LARGE1: variants seen among roughly 807,000 people sequenced by gnomAD.
LARGE1 encodes LARGE xylosyl- and glucuronyltransferase 1.
LARGE1 carries 43 observed loss-of-function variants against 87.6 expected under a neutral mutation model. The ratio of observed to expected loss-of-function variants is 0.49; its 90% CI spans 0.38 to 0.63. The LOEUF is 0.63. Ranked by LOEUF, LARGE1 falls within the 30% of genes least tolerant of loss-of-function variation. The pLI, the probability that LARGE1 is intolerant of heterozygous loss-of-function variation, is 0.00. For synonymous variants in LARGE1, 434 were observed against 394.6 expected (o/e 1.10, Z -1.18); for missense variants, 802 against 1,000.2 (o/e 0.80, Z 2.67).
intron 5 of LARGE1, among the ~76,000 whole-genome samples, chr22:33,565,621 T>C (rs2077999828): frequency 6.6e-6 from 1 of 151,980 alleles, no homozygotes; most frequent in Admixed American, 6.5e-5. Flanking sequence ...GACACACACA[T>C]AGGACAGAAG....
intron 13 of LARGE1, among the ~76,000 whole-genome samples, chr22:33,279,891 C>T (rs1471535979): frequency 6.6e-6 from 1 of 152,172 alleles, no homozygotes; most frequent in African/African-American, 2.4e-5. Flanking sequence ...CACAATGGAG[C>T]CATCAGGCCA....
At chr22:33,766,935 T>TATATATAC (rs1569436044) in intron 1 of LARGE1, among the ~76,000 whole-genome samples, 27 of 24,846 alleles carry the variant, frequency 1.1e-3, no homozygotes, top group Admixed American at 2.4e-3. Flanking sequence ...TATATATATA[T>TATATATAC]ATATATATAT....
chr22:33,128,244 TTGC>T, the LARGE1 span, among the ~76,000 whole-genome samples: 1 of 152,212 alleles, frequency 6.6e-6, no homozygotes, highest in South Asian at 2.1e-4. Context: ...AGCAATCCCA[TTGC>T]TGGGTATATA....
At chr22:33,342,874 C>T (rs1025754474) in intron 9 of LARGE1, among the ~76,000 whole-genome samples, 1 of 152,184 alleles carries the variant, frequency 6.6e-6, no homozygotes, top group Admixed American at 6.5e-5. Context: ...GATCGGCAAG[C>T]CCATCCAAAA....
chr22:33,607,405 G>A (rs778442787), intron 4 of LARGE1, among the ~76,000 whole-genome samples: 31 of 134,296 alleles, frequency 2.3e-4, no homozygotes, highest in Non-Finnish European at 4.1e-4. Context: ...AGGTTGCTGT[G>A]AGCCAAGATC....
intron 7 of LARGE1, among the ~76,000 whole-genome samples, chr22:33,399,170 T>C (rs1047200354): frequency 3.3e-5 from 5 of 151,798 alleles, no homozygotes; most frequent in Admixed American, 1.3e-4. Flanking sequence ...CCATGTGTGA[T>C]GTTCTGCTCC....
chr22:33,168,975 C>T (rs1372831859), intron 11 of LARGE1, among the ~76,000 whole-genome samples: 1 of 152,176 alleles, frequency 6.6e-6, no homozygotes, highest in Non-Finnish European at 1.5e-5. Context: ...TAAACCAGCA[C>T]TTGGCCTACA....
At chr22:33,310,897 C>CT (rs1935504890) in intron 11 of LARGE1, among the ~76,000 whole-genome samples, 2 of 151,802 alleles carry the variant, frequency 1.3e-5, no homozygotes, top group East Asian at 3.9e-4. Context: ...TACGCTTGGG[C>CT]TGTCCATGCT....
intron 5 of LARGE1, among the ~76,000 whole-genome samples, chr22:33,580,311 G>A (rs528469314): frequency 5.3e-5 from 8 of 151,560 alleles, no homozygotes; most frequent in African/African-American, 1.9e-4. Flanking sequence ...CGGAGGTTGC[G>A]GTGAGTCGAG....
intron 1 of LARGE1, among the ~76,000 whole-genome samples, chr22:33,882,035 GT>G (rs56757133): frequency 3.5e-5 from 5 of 144,228 alleles, no homozygotes; most frequent in African/African-American, 1.0e-4. Flanking sequence ...TTTTGTTTTT[GT>G]TTTTTTTTGT....
intron 2 of LARGE1, among the ~76,000 whole-genome samples, chr22:33,726,918 A>G (rs953958014): frequency 9.2e-5 from 14 of 152,180 alleles, no homozygotes; most frequent in African/African-American, 2.7e-4. Context: ...CTTAATAGAA[A>G]TCATTACCTA....
chr22:33,171,346 G>A (rs1922561152), intron 11 of LARGE1, among the ~76,000 whole-genome samples: 1 of 152,206 alleles, frequency 6.6e-6, no homozygotes, highest in South Asian at 2.1e-4. Flanking sequence ...TTTCTGTGGA[G>A]AAATTCAAGC....
At chr22:33,706,406 G>C (rs769504383) in intron 2 of LARGE1, among the ~76,000 whole-genome samples, 22 of 152,176 alleles carry the variant, frequency 1.4e-4, no homozygotes, top group Non-Finnish European at 3.1e-4. Flanking sequence ...GAAACAGGAA[G>C]GGGGAGCTCC....
chr22:33,534,025 C>G (rs943580276), intron 6 of LARGE1, among the ~76,000 whole-genome samples: 1 of 151,640 alleles, frequency 6.6e-6, no homozygotes, highest in African/African-American at 2.4e-5. Flanking sequence ...ACTGACTCTT[C>G]ATAATGCGGA....
chr22:33,569,316 C>T (rs558046623), intron 5 of LARGE1, among the ~76,000 whole-genome samples: 26 of 152,122 alleles, frequency 1.7e-4, no homozygotes, highest in Admixed American at 9.8e-4. Context: ...TTAGATTGCC[C>T]TGACTCTCCG....
At chr22:33,588,665 T>C (rs1410005251) in intron 5 of LARGE1, among the ~76,000 whole-genome samples, 1 of 152,200 alleles carries the variant, frequency 6.6e-6, no homozygotes, top group Non-Finnish European at 1.5e-5. Flanking sequence ...GAATGGCTCT[T>C]GACCTTCTGC....
At chr22:33,424,639 A>G (rs909872418) in intron 7 of LARGE1, among the ~76,000 whole-genome samples, 2 of 152,002 alleles carry the variant, frequency 1.3e-5, no homozygotes. Context: ...AGCCTGAGCA[A>G]CAAAGTGAGA....
chr22:33,518,662 C>G (rs928596033), intron 6 of LARGE1, among the ~76,000 whole-genome samples: 1 of 152,132 alleles, frequency 6.6e-6, no homozygotes. Flanking sequence ...GGGCCCTTCT[C>G]CCCTAGTGTT....
At chr22:33,758,109 G>A (rs981940839) in intron 2 of LARGE1, among the ~76,000 whole-genome samples, 2 of 152,162 alleles carry the variant, frequency 1.3e-5, no homozygotes, top group Admixed American at 6.5e-5. Context: ...TCATTATGAG[G>A]AGCTTGACAT....
Sources: gnomAD v4.1 joint callset for allele counts (sites outside exome capture counted in the v4.1 genomes callset) on GRCh38, gnomAD v4.1.1 for gene constraint, MANE v1.5 for transcripts, NCBI Gene and HGNC (gene_info 2026-07-23, HGNC 2026-07-21) for gene names.